The following PTPRD variants were observed in gnomAD, a reference collection of about 807,000 sequenced individuals.
The protein encoded by PTPRD is receptor-type tyrosine-protein phosphatase delta.
Under a neutral mutation model 214.5 loss-of-function variants are expected in PTPRD, and 34 were observed. The ratio of observed to expected loss-of-function variants is 0.16; its 90% CI spans 0.12 to 0.21. PTPRD has a LOEUF of 0.21. Among genes scored for constraint, PTPRD ranks in the 10% least tolerant of loss-of-function variants. The pLI, the probability that PTPRD is intolerant of heterozygous loss-of-function variation, is 1.00. For missense variants in PTPRD, 2,545 were observed against 2,398.7 expected, an observed-to-expected ratio of 1.06 and a Z score of -1.27; for synonymous variants, 1,128 against 845.7, an observed-to-expected ratio of 1.33 and a Z score of -5.79.
At chr9:10,595,548 A>G (rs1031710208) in intron 2 of PTPRD, among the ~76,000 whole-genome samples, 7 of 151,688 alleles carry the variant, frequency 4.6e-5, no homozygotes, top group Non-Finnish European at 5.9e-5. Flanking sequence ...TTGGCGGCTC[A>G]TTTTGCTACA....
intron 10 of PTPRD, among the ~76,000 whole-genome samples, chr9:9,154,030 G>A (rs1412298601): frequency 6.6e-6 from 1 of 152,154 alleles, no homozygotes; most frequent in Non-Finnish European, 1.5e-5. Flanking sequence ...TGGAATGTGA[G>A]TAGACGTGAT....
chr9:9,458,758 T>G (rs1264425660), intron 8 of PTPRD, among the ~76,000 whole-genome samples: 1 of 151,990 alleles, frequency 6.6e-6, no homozygotes, highest in African/African-American at 2.4e-5. Context: ...CTGGGCAGCA[T>G]GTAGAAGCCC....
At chr9:9,833,514 T>C (rs10125069) in intron 5 of PTPRD, among the ~76,000 whole-genome samples, 2,740 of 151,788 alleles carry the variant, frequency 0.018, 63 homozygotes, top group African/African-American at 0.062. Flanking sequence ...TCGGGCACCA[T>C]TGTCATTGAT....
intron 3 of PTPRD, among the ~76,000 whole-genome samples, chr9:10,330,672 G>A (rs1051092099): frequency 1.3e-5 from 2 of 151,780 alleles, no homozygotes; most frequent in Non-Finnish European, 2.9e-5. Context: ...ATTTGCACAC[G>A]ATTTTGTAAG....
intron 10 of PTPRD, among the ~76,000 whole-genome samples, chr9:9,153,811 G>A (rs138988196): frequency 1.0e-3 from 152 of 152,206 alleles, no homozygotes; most frequent in African/African-American, 3.6e-3. Flanking sequence ...TTGGGGTAGA[G>A]GAGACATAAA....
chr9:10,035,582 C>A (rs538073580), intron 3 of PTPRD, among the ~76,000 whole-genome samples: 1 of 152,108 alleles, frequency 6.6e-6, no homozygotes, highest in Non-Finnish European at 1.5e-5. Flanking sequence ...ACATTTAAGT[C>A]TTTAATTTCT....
rs1011066120 is a variant in PTPRD, at chr9:8,949,734, A to G, written c.-104+68963T>C. Reference sequence around the variant, plus strand: ...AACTGCTACTGAAAATATTTTGTCTATCTAAGTATTTAGCACAACAAAATT... The same window carrying G: ...AACTGCTACTGAAAATATTTTGTCTGTCTAAGTATTTAGCACAACAAAATT... On this transcript the variant is annotated intron_variant, in intron 11 of 45. Transcript: ENST00000381196. 2.8e-4 allele frequency among the ~76,000 whole-genome samples: 43 copies of G among 152,214 alleles called. 1 individual carries two copies. The highest frequency in any genetic ancestry group is 1.6e-3 in the Admixed American group (25 of 15,270).
chr9:9,193,739 A>G (rs1337496984), intron 9 of PTPRD, among the ~76,000 whole-genome samples: 2 of 152,160 alleles, frequency 1.3e-5, no homozygotes, highest in Admixed American at 1.3e-4. Context: ...TGGAGCTTAC[A>G]GGACAGAAGC....
intron 9 of PTPRD, among the ~76,000 whole-genome samples, chr9:9,268,474 A>C (rs1041167710): frequency 6.6e-6 from 1 of 151,242 alleles, no homozygotes; most frequent in African/African-American, 2.4e-5. Context: ...TTTTTAAATC[A>C]AGGTTCCAAT....
chr9:9,531,720 T>G (rs964427827), intron 8 of PTPRD, among the ~76,000 whole-genome samples: 1 of 152,140 alleles, frequency 6.6e-6, no homozygotes, highest in Non-Finnish European at 1.5e-5. Context: ...AGTGCTGCAA[T>G]GAATATTTGT....
chr9:10,299,103 C>T (rs1027981913), intron 3 of PTPRD, among the ~76,000 whole-genome samples: 1 of 151,992 alleles, frequency 6.6e-6, no homozygotes. Flanking sequence ...ACTAACTTTT[C>T]TGGGATTACT....
chr9:8,582,639 G>T (rs2093278892), intron 14 of PTPRD, among the ~76,000 whole-genome samples: 1 of 152,162 alleles, frequency 6.6e-6, no homozygotes, highest in Non-Finnish European at 1.5e-5. Context: ...AAGATGTTCA[G>T]CCCTACTAGG....
At chr9:9,688,035 C>A (rs1342825021) in intron 7 of PTPRD, among the ~76,000 whole-genome samples, 1 of 151,806 alleles carries the variant, frequency 6.6e-6, no homozygotes, top group Non-Finnish European at 1.5e-5. Flanking sequence ...CCCCTGCACT[C>A]TCTTTCCTTT....
At chr9:9,888,630 T>C (rs2071926489) in intron 5 of PTPRD, among the ~76,000 whole-genome samples, 1 of 152,134 alleles carries the variant, frequency 6.6e-6, no homozygotes, top group African/African-American at 2.4e-5. Flanking sequence ...CACAATGTGA[T>C]GCCTGCTCTC....
chr9:10,371,611 T>C (rs1174777563), intron 2 of PTPRD, among the ~76,000 whole-genome samples: 1 of 152,032 alleles, frequency 6.6e-6, no homozygotes, highest in Non-Finnish European at 1.5e-5. Context: ...GAATATTCAA[T>C]TCCCTTAACC....
intron 39 of PTPRD, among the ~76,000 whole-genome samples, chr9:8,372,615 A>T (rs2081902041): frequency 6.6e-6 from 1 of 152,022 alleles, no homozygotes; most frequent in Admixed American, 6.6e-5. Context: ...ATAGATAACT[A>T]GAGTTGGCCT....
chr9:10,443,192 G>A (rs1381622066), intron 2 of PTPRD, among the ~76,000 whole-genome samples: 1 of 151,084 alleles, frequency 6.6e-6, no homozygotes, highest in Non-Finnish European at 1.5e-5. Flanking sequence ...ACTATAAAAT[G>A]TTCACATTGA....
chr9:8,360,038 A>G (rs1478588218), intron 39 of PTPRD, among the ~76,000 whole-genome samples: 1 of 152,232 alleles, frequency 6.6e-6, no homozygotes, highest in East Asian at 1.9e-4. Flanking sequence ...TTGTGGTGTC[A>G]TCATGTTTAT....
At chr9:8,449,391 A>T (rs1160093975) in intron 34 of PTPRD, among the ~76,000 whole-genome samples, 1 of 152,142 alleles carries the variant, frequency 6.6e-6, no homozygotes, top group African/African-American at 2.4e-5. Flanking sequence ...ACTTGATGAG[A>T]AACTGAATTC....
Sources: allele counts gnomAD v4.1 joint callset (sites outside exome capture counted in the v4.1 genomes callset), GRCh38; gene constraint gnomAD v4.1.1; transcripts MANE v1.5; gene names NCBI Gene and HGNC (gene_info 2026-07-23, HGNC 2026-07-21).